Variants in CLEC3A observed in about 807,000 individuals in gnomAD.
CLEC3A encodes C-type (calcium dependent, carbohydrate-recognition domain) lectin, superfamily member 1 (cartilage-derived).
Under a neutral mutation model 20.4 loss-of-function variants are expected in CLEC3A, and 28 were observed. That is an observed-to-expected ratio of 1.37 (90% CI 1.02 to 1.88). CLEC3A has a LOEUF of 1.88. Ranked by LOEUF, CLEC3A falls within the 40% of genes most tolerant of loss-of-function variation. The pLI is 0.00. For missense variants in CLEC3A, 357 were observed against 240.4 expected (o/e 1.48, Z -3.21); for synonymous variants, 110 against 88.1 (o/e 1.25, Z -1.39).
At position 78,022,622 on chromosome 16, in the gene CLEC3A, G is replaced by C. The variant is rs773789936; in HGVS notation, c.-5G>C. ...AACATGGCTCAGCAGGCTTGCCCCA[G>C]AGCCATGGCAAAGAATGGACTTGTA... On this transcript the variant is annotated 5_prime_UTR_variant, in exon 1 of 3. Transcript: ENST00000299642. The C allele has an allele frequency of 2.5e-6, 4 of 1,614,012 alleles. No homozygotes were observed. Among genetic ancestry groups the C allele is most frequent in the Non-Finnish European group, 3.4e-6 (4 of 1,179,970 alleles).
At chr16:78,023,902 C>T (rs1333349418) in intron 1 of CLEC3A, among the ~76,000 whole-genome samples, 7 of 151,842 alleles carry the variant, frequency 4.6e-5, no homozygotes, top group East Asian at 1.9e-4. Flanking sequence ...GGACTACAGG[C>T]GCCTGCCACC....
At position 78,030,816 on chromosome 16, in the gene CLEC3A, T is replaced by A. The variant is rs1447782953; in HGVS notation, c.569T>A (p.Ile190Lys). ...DEACRSSKRY[I>K]CEFTIPQ ...GCCTGTCGCAGCAGCAAGAGATACA[T>A]ATGCGAGTTCACCATCCCTCAATAG... The change falls in exon 3 of 3, where the codon ATA (isoleucine) becomes AAA (lysine). Residue 190 changes from isoleucine to lysine, a missense_variant. Ile to Lys is a moderately radical substitution (Grantham distance 102). Transcript: ENST00000299642. The A allele has an allele frequency of 6.2e-7, 1 of 1,613,422 alleles. No homozygotes were observed.
chr16:78,025,236 G>A (rs899445965), intron 1 of CLEC3A, among the ~76,000 whole-genome samples: 7 of 152,186 alleles, frequency 4.6e-5, no homozygotes, highest in Admixed American at 2.6e-4. Flanking sequence ...AGTTACCAGT[G>A]TAAGCAATAC....
chr16:78,028,795 A>G (rs1413285157), intron 2 of CLEC3A, among the ~76,000 whole-genome samples: 2 of 152,224 alleles, frequency 1.3e-5, no homozygotes, highest in Non-Finnish European at 2.9e-5. Flanking sequence ...GGTTCCTCAC[A>G]AGAGACCTGC....
At position 78,031,913 on chromosome 16, in the gene CLEC3A, C is replaced by G. The variant is rs1490503369; in HGVS notation, c.*1072C>G. On this transcript the variant is annotated 3_prime_UTR_variant, in exon 3 of 3. Transcript: ENST00000299642. ...TTAATATCAAATTACAAAGTTTAGA[C>G]TTGGAGGGAAATGGGCTTTTTAGAA... The G allele has an allele frequency of 6.6e-6, 1 of 152,448 alleles. No homozygotes were observed. Among genetic ancestry groups the G allele is most frequent in the South Asian group, 2.1e-4 (1 of 4,828 alleles). The allele number at this position is 152,448 out of a possible 1,614,324, so 9.4% of individuals were successfully genotyped here. A position where few individuals can be genotyped will look rare whatever the true frequency, so the allele number is the denominator to read the frequency against.
rs767171061 is a variant in CLEC3A at position 78,030,625 on chromosome 16, T to A, written c.378T>A (p.Asn126Lys). Reference protein sequence around the residue: ...DYGKRSLPGVNDFWLGINDMV... With the variant: ...DYGKRSLPGVKDFWLGINDMV... ...GTAAAAGGAGCCTGCCAGGTGTCAA[T>A]GACTTTTGGCTGGGCATCAATGACA... Residue 126 changes from asparagine to lysine, a missense_variant, in exon 3 of 3, where the codon AAT (asparagine) becomes AAA (lysine). By Grantham distance (94) the Asn-to-Lys change is moderately conservative. Coordinates refer to ENST00000299642, the MANE Select transcript of CLEC3A (RefSeq NM_005752.6). 3 of 1,614,048 alleles carry A rather than the reference T, an allele frequency of 1.9e-6. No homozygotes were observed. The highest frequency in any genetic ancestry group is 3.3e-4 in the Middle Eastern group (2 of 6,062).
chr16:78,028,845 C>G (rs149463225), intron 2 of CLEC3A, among the ~76,000 whole-genome samples: 45 of 152,350 alleles, frequency 3.0e-4, no homozygotes, highest in African/African-American at 1.0e-3. Flanking sequence ...ACTGAAGTTA[C>G]GGCTTTCCAT....
chr16:78,029,069 C>T (rs141712944), intron 2 of CLEC3A: 33 of 451,848 alleles, frequency 7.3e-5, no homozygotes, highest in African/African-American at 6.2e-4. Flanking sequence ...TCTTTATAAA[C>T]ACAAATCCAT....
In CLEC3A at chr16:78,031,567, C is replaced by G. The variant is rs1339364304; in HGVS notation, c.*726C>G. On this transcript the variant is annotated 3_prime_UTR_variant, in exon 3 of 3. Transcript: ENST00000299642. ...ACAACCTCTAACTTAAATGGGTAAC[C>G]CTAAGGCATATCAAAGAAGCAGATT... 3.3e-5 allele frequency: 5 copies of G among 152,056 alleles called. No individual in the cohort carries two copies. The highest frequency in any genetic ancestry group is 1.2e-4 in the African/African-American group (5 of 41,410). The allele number at this position is 152,056 out of a possible 1,614,324, so 9.4% of individuals were successfully genotyped here.
intron 1 of CLEC3A, among the ~76,000 whole-genome samples, chr16:78,023,282 A>G (rs964004955): frequency 6.6e-6 from 1 of 152,182 alleles, no homozygotes; most frequent in African/African-American, 2.4e-5. Context: ...AACCTATACC[A>G]TATATTTAAA....
At chr16:78,023,895 C>T (rs1316600178) in intron 1 of CLEC3A, among the ~76,000 whole-genome samples, 1 of 151,792 alleles carries the variant, frequency 6.6e-6, no homozygotes, top group Non-Finnish European at 1.5e-5. Flanking sequence ...GTAGCTAGGA[C>T]TACAGGCGCC....
chr16:78,023,179 G>A (rs2018771730), intron 1 of CLEC3A, among the ~76,000 whole-genome samples: 1 of 152,184 alleles, frequency 6.6e-6, no homozygotes, highest in African/African-American at 2.4e-5. Context: ...TATTCAATGT[G>A]TAGCAGAGGA....
intron 1 of CLEC3A, among the ~76,000 whole-genome samples, chr16:78,026,834 C>T (rs72800918): frequency 0.11 from 17,062 of 152,192 alleles, 1,090 homozygotes; most frequent in East Asian, 0.26. Flanking sequence ...TTAGCCTCAT[C>T]CAGGAACATA....
chr16:78,028,283 G>A (rs1471552914), intron 2 of CLEC3A, 93 bp downstream of exon 2: 5 of 859,766 alleles, frequency 5.8e-6, no homozygotes, highest in Non-Finnish European at 8.7e-6. Flanking sequence ...AAGAAACATT[G>A]ACAAATCAAT....
chr16:78,025,305 T>G (rs747412210), intron 1 of CLEC3A, among the ~76,000 whole-genome samples: 1 of 152,250 alleles, frequency 6.6e-6, no homozygotes, highest in African/African-American at 2.4e-5. Flanking sequence ...TCACTTAATC[T>G]GATCTCTCCC....
intron 2 of CLEC3A, 71 bp downstream of exon 2, chr16:78,028,261 A>G: frequency 8.8e-7 from 1 of 1,140,494 alleles, no homozygotes; most frequent in South Asian, 1.5e-5. Flanking sequence ...TTTCTGGGGG[A>G]CGTCTTTTTA....
intron 1 of CLEC3A, among the ~76,000 whole-genome samples, chr16:78,024,535 T>C (rs1038244088): frequency 5.9e-5 from 9 of 152,096 alleles, no homozygotes; most frequent in African/African-American, 2.2e-4. Context: ...ACTGACTAGG[T>C]ACACACCTCT....
chr16:78,022,987 T>C (rs1204542795), intron 1 of CLEC3A, among the ~76,000 whole-genome samples: 1 of 152,182 alleles, frequency 6.6e-6, no homozygotes. Context: ...AAAAGAATTC[T>C]GTGTTGTATA....
chr16:78,030,442 C>T lies in CLEC3A; in HGVS notation c.200-5C>T. On this transcript the variant is annotated splice_polypyrimidine_tract_variant and splice_region_variant and intron_variant, in intron 2 of 2. Transcript: ENST00000299642. ...CTTAATATGTTACACTTCACATCTT[C>T]ACAGTCTGTCTCCGAGGCACTAAAG... 6.3e-7 allele frequency: 1 copy of T among 1,589,186 alleles called. No individual in the cohort carries two copies. Among genetic ancestry groups the T allele is most frequent in the Non-Finnish European group, 8.6e-7 (1 of 1,166,490 alleles).
Sources: allele counts gnomAD v4.1 joint callset (sites outside exome capture counted in the v4.1 genomes callset), GRCh38; gene constraint gnomAD v4.1.1; transcripts MANE v1.5; gene names NCBI Gene and HGNC (gene_info 2026-07-23, HGNC 2026-07-21).